The following SPATA16 variants were observed in gnomAD, a reference collection of about 807,000 sequenced individuals.
SPATA16 encodes spermatogenesis-associated protein 16.
In SPATA16, 36 loss-of-function variants were observed where a neutral mutation model predicts 63.3. That is an observed-to-expected ratio of 0.57 (90% confidence interval 0.44 to 0.75). The LOEUF is 0.75. Among genes scored for constraint, SPATA16 ranks in the 30% least tolerant of loss-of-function variants. The probability of loss-of-function intolerance (pLI) is 0.00; values close to 1 mark genes in which losing one functional copy is unlikely to be tolerated. For synonymous variants in SPATA16, 203 were observed against 216.7 expected (o/e 0.94, Z 0.56); for missense variants, 646 against 679.3 (o/e 0.95, Z 0.54).
intron 4 of SPATA16, among the ~76,000 whole-genome samples, chr3:172,993,968 G>T (rs1734640528): frequency 6.6e-6 from 1 of 152,094 alleles, no homozygotes; most frequent in Non-Finnish European, 1.5e-5. Context: ...ATGTTAATAA[G>T]GCTTAGGGAA....
intron 2 of SPATA16, among the ~76,000 whole-genome samples, chr3:173,076,723 G>A (rs1330027383): frequency 6.6e-6 from 1 of 152,018 alleles, no homozygotes. Context: ...CTTAAAAATA[G>A]GATAAAGGAA....
intron 3 of SPATA16, among the ~76,000 whole-genome samples, chr3:173,039,040 G>A (rs1735779829): frequency 6.6e-6 from 1 of 152,034 alleles, no homozygotes. Flanking sequence ...ACAGTACAAG[G>A]AATCTTACAA....
chr3:172,987,661 C>G, intron 4 of SPATA16, among the ~76,000 whole-genome samples: 1 of 152,134 alleles, frequency 6.6e-6, no homozygotes, highest in African/African-American at 2.4e-5. Context: ...GAGAGTCTGG[C>G]TGTACAAAAA....
chr3:173,078,391 A>C (rs745861542), intron 2 of SPATA16, among the ~76,000 whole-genome samples: 2 of 152,196 alleles, frequency 1.3e-5, no homozygotes, highest in Non-Finnish European at 2.9e-5. Context: ...CAATGTTAAG[A>C]GGACAAATGT....
chr3:172,953,310 G>A (rs1733491099), intron 6 of SPATA16, among the ~76,000 whole-genome samples: 1 of 151,958 alleles, frequency 6.6e-6, no homozygotes, highest in Non-Finnish European at 1.5e-5. Flanking sequence ...TTGTCCTAAG[G>A]GTCCTGGCTT....
chr3:173,001,794 G>A (rs934066394), intron 4 of SPATA16, among the ~76,000 whole-genome samples: 1 of 152,076 alleles, frequency 6.6e-6, no homozygotes, highest in Non-Finnish European at 1.5e-5. Context: ...AAAAAAATTA[G>A]GTTAGTCTAG....
intron 2 of SPATA16, among the ~76,000 whole-genome samples, chr3:173,107,104 A>C (rs976663455): frequency 6.6e-6 from 1 of 152,106 alleles, no homozygotes; most frequent in Non-Finnish European, 1.5e-5. Flanking sequence ...TACCATTATA[A>C]GACTTCTTTC....
At chr3:173,020,223 G>T (rs1735294376) in intron 3 of SPATA16, among the ~76,000 whole-genome samples, 1 of 152,052 alleles carries the variant, frequency 6.6e-6, no homozygotes, top group Non-Finnish European at 1.5e-5. Context: ...CTTGAACCCG[G>T]GAGGCAGAGG....
intron 2 of SPATA16, among the ~76,000 whole-genome samples, chr3:173,078,228 C>A (rs917945787): frequency 2.0e-5 from 3 of 152,084 alleles, no homozygotes; most frequent in African/African-American, 7.2e-5. Context: ...ACTCACATAG[C>A]TCAGAGCCCA....
intron 3 of SPATA16, among the ~76,000 whole-genome samples, chr3:173,032,966 G>A (rs993455569): frequency 2.0e-5 from 3 of 152,028 alleles, no homozygotes; most frequent in African/African-American, 7.2e-5. Context: ...GTTCATGAAT[G>A]AGATCTACAT....
intron 4 of SPATA16, among the ~76,000 whole-genome samples, chr3:173,004,982 A>G (rs1233188696): frequency 1.3e-5 from 2 of 152,238 alleles, no homozygotes; most frequent in Non-Finnish European, 2.9e-5. Context: ...CCTTTTGGCT[A>G]AATATCTCTA....
intron 4 of SPATA16, among the ~76,000 whole-genome samples, chr3:172,984,061 C>G (rs1174979259): frequency 6.6e-6 from 1 of 150,858 alleles, no homozygotes; most frequent in Non-Finnish European, 1.5e-5. Context: ...CCTCCTTTCT[C>G]TAGTCCTGTG....
intron 2 of SPATA16, among the ~76,000 whole-genome samples, chr3:173,063,785 A>G (rs866828417): frequency 5.3e-5 from 8 of 152,158 alleles, no homozygotes; most frequent in African/African-American, 1.9e-4. Flanking sequence ...GGGAGTGTAT[A>G]TTTTGCTTAG....
chr3:173,064,320 C>CAAAAAAAAAAAAAAAA (rs59773490), intron 2 of SPATA16, among the ~76,000 whole-genome samples: 3 of 57,670 alleles, frequency 5.2e-5, no homozygotes, highest in Admixed American at 2.2e-4. Context: ...ACACGCACAC[C>CAAAAAAAAAAAAAAAA]AAAAAAAAAA....
At chr3:173,101,094 G>A (rs1281143629) in intron 2 of SPATA16, among the ~76,000 whole-genome samples, 1 of 152,160 alleles carries the variant, frequency 6.6e-6, no homozygotes, top group Non-Finnish European at 1.5e-5. Context: ...TACTGGGTAT[G>A]AAAGACTCCT....
intron 2 of SPATA16, among the ~76,000 whole-genome samples, chr3:173,110,000 A>G (rs1478191264): frequency 6.7e-6 from 1 of 149,166 alleles, no homozygotes; most frequent in East Asian, 2.0e-4. Context: ...AAACACACTG[A>G]TTATAAAAAT....
intron 1 of SPATA16, among the ~76,000 whole-genome samples, chr3:173,135,500 C>T (rs979345994): frequency 2.6e-5 from 4 of 151,976 alleles, no homozygotes; most frequent in South Asian, 4.1e-4. Flanking sequence ...TTCACAACAA[C>T]GTAATAACAT....
At chr3:172,904,141 C>T (rs1416695032) in intron 10 of SPATA16, among the ~76,000 whole-genome samples, 1 of 152,188 alleles carries the variant, frequency 6.6e-6, no homozygotes, top group African/African-American at 2.4e-5. Context: ...AGATGTCTCT[C>T]TTATAGGGTT....
rs1302520582 is a variant in SPATA16, at chr3:173,026,281, C to CT, written c.759-6707_759-6706insA. Among the ~76,000 whole-genome samples, 600 of 151,900 alleles carry CT rather than the reference C, an allele frequency of 3.9e-3. 3 individuals are homozygous for CT. Among genetic ancestry groups the CT allele is most frequent in the African/African-American group, 0.014 (576 of 41,486 alleles). ...TCTTTTGCCATTTTAAAAAACTGGG[C>CT]ATTTTTTTTCCTTATTAGTGTGTTG... On this transcript the variant is annotated intron_variant, in intron 3 of 10. Coordinates refer to ENST00000351008, the MANE Select transcript of SPATA16 (RefSeq NM_031955.6).
Sources: allele counts gnomAD v4.1 joint callset (sites outside exome capture counted in the v4.1 genomes callset), GRCh38; gene constraint gnomAD v4.1.1; transcripts MANE v1.5; gene names NCBI Gene and HGNC (gene_info 2026-07-23, HGNC 2026-07-21).